CDCA4: variants seen among roughly 807,000 people sequenced by gnomAD.
The protein encoded by CDCA4 is cell division cycle associated 4.
For synonymous variants in CDCA4, 130 were observed against 137.0 expected, an observed-to-expected ratio of 0.95 and a Z score of 0.36; for missense variants, 294 against 322.1, an observed-to-expected ratio of 0.91 and a Z score of 0.67.
At position 105,011,723 on chromosome 14, in the gene CDCA4, G is replaced by C. The variant is rs1436701594; in HGVS notation, c.207C>G (p.Ile69Met). The C allele has an allele frequency of 6.2e-7, 1 of 1,613,678 alleles. No individual in the cohort carries two copies. The highest frequency in any genetic ancestry group is 1.1e-5 in the South Asian group (1 of 91,084). ...TCCCATCCTGCGTCATCTCCTCTTG[G>C]ATCTGCCGGACCGTGTTGGCAATGA... ...SVLIANTVRQIQEEMTQDGTW... is the reference protein window; with the variant it reads ...SVLIANTVRQMQEEMTQDGTW... The change falls in exon 2 of 2, where the codon ATC becomes ATG. Residue 69 changes from isoleucine to methionine, a missense_variant. Coordinates refer to ENST00000336219, the MANE Select transcript of CDCA4 (RefSeq NM_017955.4).
At position 105,011,686 on chromosome 14, in the gene CDCA4, CTG is replaced by C; in HGVS notation, c.242_243del (p.Thr81SerfsTer47). On this transcript the variant is annotated frameshift_variant, in exon 2 of 2. Transcript: ENST00000336219. LOFTEE classifies it low-confidence loss of function (END_TRUNC). ...EEMTQDGTWR[T>X]VAPQAAERAP... ...GCCCGCTCTGCAGCCTGGGGTGCCA[CTG>C]TGCGCCACGTCCCATCCTGCGTCAT... The C allele has an allele frequency of 6.2e-7, 1 of 1,613,720 alleles. No homozygotes were observed. The highest frequency in any genetic ancestry group is 8.5e-7 in the Non-Finnish European group (1 of 1,179,968).
At position 105,010,072 on chromosome 14, in the gene CDCA4, A is replaced by G. The variant is rs1276245224; in HGVS notation, c.*1132T>C. 1 of 152,640 alleles carries G rather than the reference A, an allele frequency of 6.6e-6. No homozygotes were observed. Among genetic ancestry groups the G allele is most frequent in the African/African-American group, 2.4e-5 (1 of 41,472 alleles). 9.5% of individuals were successfully genotyped at this position (152,640 alleles called of 1,614,324 possible). A position where few individuals can be genotyped will look rare whatever the true frequency, so the allele number is the denominator to read the frequency against. ...AGAGAAAGCATGAGAAACAGGGAGCATGTGGGGTGAGGCGGGGCAGGAGTG... is the reference window on the plus strand; with the variant it reads ...AGAGAAAGCATGAGAAACAGGGAGCGTGTGGGGTGAGGCGGGGCAGGAGTG... On this transcript the variant is annotated 3_prime_UTR_variant, in exon 2 of 2. Coordinates refer to ENST00000336219, the MANE Select transcript of CDCA4 (RefSeq NM_017955.4).
chr14:105,011,919 C>A lies in CDCA4; in HGVS notation c.11G>T (p.Arg4Leu). MFA[R>L]GLKRKCVGHE... ...GCCAACACATTTCCTCTTCAGTCCT[C>A]GTGCAAACATTGTGTCCTGCAGAAA... is the stretch of plus-strand genomic sequence containing the variant. The change falls in exon 2 of 2, where the codon CGA becomes CTA. Residue 4 changes from arginine (R) to leucine (L), a missense_variant. Transcript: ENST00000336219. 6.2e-7 allele frequency: 1 copy of A among 1,607,942 alleles called. No homozygotes were observed.
rs780223427 is a variant in CDCA4 at position 105,011,650 on chromosome 14, G to C, written c.280C>G (p.Arg94Gly). ...PQAAERAPLD[R>G]LVSTEILCRA... is the part of the protein sequence containing the mutation. Reference sequence around the variant, plus strand: ...CACAGGATCTCCGTGGAGACCAAGCGGTCGAGCGGCGCCCGCTCTGCAGCC... The same window carrying C: ...CACAGGATCTCCGTGGAGACCAAGCCGTCGAGCGGCGCCCGCTCTGCAGCC... The change falls in exon 2 of 2, where the codon CGC (arginine) becomes GGC (glycine). Residue 94 changes from arginine to glycine, a missense_variant. Physicochemically the swap from Arg to Gly is moderately radical, Grantham distance 125 (BLOSUM62 -2). Transcript: ENST00000336219. The C allele has an allele frequency of 6.2e-7, 1 of 1,613,714 alleles. No homozygotes were observed. Among genetic ancestry groups the C allele is most frequent in the Non-Finnish European group, 8.5e-7 (1 of 1,180,006 alleles).
rs377017148 is a variant in CDCA4, at chr14:105,011,564, T to C, written c.366A>G (p.Thr122=). The C allele has an allele frequency of 1.2e-5, 20 of 1,614,034 alleles. No individual in the cohort carries two copies. The African/African-American group carries it at 1.9e-4, about 15-fold the overall frequency. ...HPAPGLGDGH[T]QGPVSDLCPV... Reference sequence around the variant, plus strand: ...GGCAAAGGTCAGAAACTGGACCCTGTGTGTGGCCGTCCCCCAAGCCAGGAG... The same window carrying C: ...GGCAAAGGTCAGAAACTGGACCCTGCGTGTGGCCGTCCCCCAAGCCAGGAG... The change falls in exon 2 of 2, where the codon ACA becomes ACG. Residue 122 remains threonine (T), a synonymous_variant. Coordinates refer to ENST00000336219, the MANE Select transcript of CDCA4 (RefSeq NM_017955.4).
chr14:105,011,131 G>A lies in CDCA4; in HGVS notation c.*73C>T. ...AGCAAGGCTGGGCCGCTGGCGGCAG[G>A]CGCACCCTCCGTGGGAGCCAGTGCT... On this transcript the variant is annotated 3_prime_UTR_variant, in exon 2 of 2. Transcript: ENST00000336219. The A allele has an allele frequency of 6.7e-7, 1 of 1,500,284 alleles. No homozygotes were observed. The highest frequency in any genetic ancestry group is 8.9e-7 in the Non-Finnish European group (1 of 1,123,792). 92.9% of individuals were successfully genotyped at this position (1,500,284 alleles called of 1,614,324 possible).
At position 105,011,597 on chromosome 14, in the gene CDCA4, T is replaced by C. The variant is rs1160915380; in HGVS notation, c.333A>G (p.Ala111=). Residue 111 remains alanine, a synonymous_variant, in exon 2 of 2, where the codon GCA becomes GCG. Coordinates refer to ENST00000336219, the MANE Select transcript of CDCA4 (RefSeq NM_017955.4). ...LCRAAWGQEG[A]HPAPGLGDGH... ...CGTCCCCCAAGCCAGGAGCAGGATGTGCCCCCTCTTGCCCCCACGCTGCAC... is the reference window on the plus strand; with the variant it reads ...CGTCCCCCAAGCCAGGAGCAGGATGCGCCCCCTCTTGCCCCCACGCTGCAC... 1 of 1,613,912 alleles carries C rather than the reference T, an allele frequency of 6.2e-7. No individual in the cohort carries two copies. The highest frequency in any genetic ancestry group is 1.1e-5 in the South Asian group (1 of 91,078).
chr14:105,012,741 C>G lies in CDCA4; in HGVS notation c.-6-806G>C, dbSNP rs952362965. On this transcript the variant is annotated intron_variant, in intron 1 of 1. Transcript: ENST00000336219. Reference sequence around the variant, plus strand: ...ATCACACCCATTCCTTGGCTCCCCCCACCCGCCCCACCAGTTCATTTCTCC... The same window carrying G: ...ATCACACCCATTCCTTGGCTCCCCCGACCCGCCCCACCAGTTCATTTCTCC... Among the ~76,000 whole-genome samples, 10 of 152,330 alleles carry G rather than the reference C, an allele frequency of 6.6e-5. No individual in the cohort carries two copies. In the South Asian group the frequency reaches 1.4e-3, roughly 22 times the overall value.
Position 105,011,297 on chromosome 14 carries a change from CTCGAGCCCT to C in CDCA4, c.624_632del (p.Glu211_Leu213del). On this transcript the variant is annotated inframe_deletion, in exon 2 of 2. Transcript: ENST00000336219. ...GGCCTGGGGTGGCCGGAGCCAAGCC[CTCGAGCCCT>C]TCGCAGGGGCCCGGCCTGGCACCCC... 1 of 1,614,026 alleles carries C rather than the reference CTCGAGCCCT, an allele frequency of 6.2e-7. No homozygotes were observed. Among genetic ancestry groups the C allele is most frequent in the South Asian group, 1.1e-5 (1 of 91,084 alleles).
intron 1 of CDCA4, among the ~76,000 whole-genome samples, chr14:105,018,690 G>A (rs1886146795): frequency 6.6e-6 from 1 of 152,036 alleles, no homozygotes; most frequent in African/African-American, 2.4e-5. Flanking sequence ...AATGAGAAAG[G>A]GCCCTATACC....
rs767578224 is a variant in CDCA4 at position 105,011,272 on chromosome 14, G to C, written c.658C>G (p.Pro220Ala). 3.1e-6 allele frequency: 5 copies of C among 1,613,780 alleles called. 1 individual carries two copies. In the East Asian group the frequency reaches 1.1e-4, roughly 36 times the overall value. ...AGGTCGGACTTGCAGCTGGAGCTAG[G>C]GCCTGGGGTGGCCGGAGCCAAGCCC... ...LEGLAPATPGPSSSCKSDLGE... is the reference protein window; with the variant it reads ...LEGLAPATPGASSSCKSDLGE... Residue 220 changes from proline (P) to alanine (A), a missense_variant, in exon 2 of 2, where the codon CCT becomes GCT. Coordinates refer to ENST00000336219, the MANE Select transcript of CDCA4 (RefSeq NM_017955.4).
At chr14:105,017,841 CA>C (rs1566939844) in intron 1 of CDCA4, among the ~76,000 whole-genome samples, 1 of 146,260 alleles carries the variant, frequency 6.8e-6, no homozygotes, top group African/African-American at 2.7e-5. Flanking sequence ...AAAAAAAAAA[CA>C]CACACACACA....
rs774620903 is a variant in CDCA4 at position 105,011,318 on chromosome 14, C to T, written c.612G>A (p.Pro204=). 37 of 1,613,976 alleles carry T rather than the reference C, an allele frequency of 2.3e-5. 1 individual carries two copies. Among genetic ancestry groups the T allele is most frequent in the Admixed American group, 5.0e-5 (3 of 60,006 alleles). The part of the protein sequence containing the change: ...VLTGMMGGAR[P]GPCEGLEGLA... ...AGCCCTCGAGCCCTTCGCAGGGGCC[C>T]GGCCTGGCACCCCCCATCATGCCTG... The change falls in exon 2 of 2, where the codon CCG becomes CCA. Residue 204 remains proline (P), a synonymous_variant. Transcript: ENST00000336219.
Position 105,010,911 on chromosome 14 carries a change from C to G in CDCA4, c.*293G>C. 4.7e-6 allele frequency: 2 copies of G among 421,732 alleles called. No homozygotes were observed. The highest frequency in any genetic ancestry group is 8.4e-6 in the Non-Finnish European group (2 of 237,208). The allele number at this position is 421,732 out of a possible 1,614,324, so 26.1% of individuals were successfully genotyped here. On this transcript the variant is annotated 3_prime_UTR_variant, in exon 2 of 2. Coordinates refer to ENST00000336219, the MANE Select transcript of CDCA4 (RefSeq NM_017955.4). ...TAAAAGGAGGTTGATGCAGCTGCGG[C>G]TCACCGTCCTCTACAGTGGGGGACA...
chr14:105,013,146 C>G (rs191576621), intron 1 of CDCA4, among the ~76,000 whole-genome samples: 252 of 152,312 alleles, frequency 1.7e-3, no homozygotes, highest in Non-Finnish European at 2.9e-3. Context: ...AGCACAGATG[C>G]ACTAGATGGA....
intron 1 of CDCA4, among the ~76,000 whole-genome samples, chr14:105,013,937 A>G (rs1900575200): frequency 6.6e-6 from 1 of 152,196 alleles, no homozygotes; most frequent in African/African-American, 2.4e-5. Context: ...TGTACCCTTC[A>G]CCTGGGCACG....
chr14:105,019,840 T>C (rs1417449521), intron 1 of CDCA4, among the ~76,000 whole-genome samples: 1 of 152,152 alleles, frequency 6.6e-6, no homozygotes, highest in African/African-American at 2.4e-5. Context: ...CCCACATAGC[T>C]AGGATTATGA....
chr14:105,013,676 GC>G (rs1900564405), intron 1 of CDCA4, among the ~76,000 whole-genome samples: 1 of 152,176 alleles, frequency 6.6e-6, no homozygotes, highest in South Asian at 2.1e-4. Context: ...CTTCCCAGGA[GC>G]CCCTCTGGAG....
chr14:105,019,536 C>T (rs946730341), intron 1 of CDCA4, among the ~76,000 whole-genome samples: 1 of 152,232 alleles, frequency 6.6e-6, no homozygotes, highest in Non-Finnish European at 1.5e-5. Flanking sequence ...TTAAGCAAAT[C>T]ATCAACAATT....
Sources: allele counts gnomAD v4.1 joint callset (sites outside exome capture counted in the v4.1 genomes callset), GRCh38; gene constraint gnomAD v4.1.1; transcripts MANE v1.5; gene names NCBI Gene and HGNC (gene_info 2026-07-23, HGNC 2026-07-21).